KDM3A: variants seen among roughly 807,000 people sequenced by gnomAD.
KDM3A encodes the protein lysine demethylase 3A, also known as lysine-specific demethylase 3A.
KDM3A carries 60 observed loss-of-function variants against 158.0 expected under a neutral mutation model. That is an observed-to-expected ratio of 0.38 (90% CI 0.31 to 0.47). The LOEUF is 0.47. KDM3A is among the 20% of genes least tolerant of loss of function. KDM3A has a pLI of 0.99. For synonymous variants in KDM3A, 608 were observed against 549.3 expected, an observed-to-expected ratio of 1.11 and a Z score of -1.49; for missense variants, 1,319 against 1,574.3, an observed-to-expected ratio of 0.84 and a Z score of 2.74.
intron 23 of KDM3A, 117 bp downstream of exon 23, chr2:86,489,776 C>A: frequency 9.0e-7 from 1 of 1,107,764 alleles, no homozygotes; most frequent in Non-Finnish European, 1.3e-6. Flanking sequence ...AAAGTTAAAT[C>A]TGTACCTGTC....
intron 21 of KDM3A, 93 bp from the exon 22 acceptor site, chr2:86,489,220 GAGTCA>G (rs2104715419): frequency 7.6e-7 from 1 of 1,307,470 alleles, no homozygotes; most frequent in East Asian, 2.4e-5. Context: ...CTCAGCAGAA[GAGTCA>G]ATCAGGGACC....
rs892547650 is a variant in KDM3A, at chr2:86,452,956, A to G, written c.453+1743A>G. On this transcript the variant is annotated intron_variant, in intron 4 of 25. Coordinates refer to ENST00000312912, the MANE Select transcript of KDM3A (RefSeq NM_018433.6). ...TGATATTTTTCCTGACTTAAAAGGA[A>G]GACTGACTTGCTTGCAGGGATCAAA... Among the ~76,000 whole-genome samples, 17 of 152,354 alleles carry G rather than the reference A, an allele frequency of 1.1e-4. 1 individual carries two copies. Among genetic ancestry groups the G allele is most frequent in the Admixed American group, 9.8e-4 (15 of 15,294 alleles).
chr2:86,452,375 T>A (rs560937128), intron 4 of KDM3A, among the ~76,000 whole-genome samples: 1 of 152,148 alleles, frequency 6.6e-6, no homozygotes, highest in African/African-American at 2.4e-5. Context: ...AAATAAGATG[T>A]CTTTCAACAG....
chr2:86,476,964 G>A (rs1262555424), intron 12 of KDM3A, among the ~76,000 whole-genome samples: 1 of 152,184 alleles, frequency 6.6e-6, no homozygotes, highest in Non-Finnish European at 1.5e-5. Flanking sequence ...ACTGCCAGGA[G>A]TCTCCTAGTC....
intron 11 of KDM3A, among the ~76,000 whole-genome samples, chr2:86,472,163 CT>C (rs36028213): frequency 3.4e-5 from 5 of 148,658 alleles, no homozygotes; most frequent in Non-Finnish European, 6.0e-5. Flanking sequence ...ATGATTAGAG[CT>C]TTTTTTTTTA....
Position 86,481,983 on chromosome 2 carries a change from C to G in KDM3A, c.2566C>G (p.Leu856Val), listed in dbSNP as rs757488163. The G allele has an allele frequency of 1.9e-6, 3 of 1,614,060 alleles. No homozygotes were observed. Among genetic ancestry groups the G allele is most frequent in the Non-Finnish European group, 2.5e-6 (3 of 1,179,954 alleles). The change falls in exon 17 of 26, where the codon CTC becomes GTC. Residue 856 changes from leucine to valine, a missense_variant. Transcript: ENST00000312912. ...GAATGAAATCAAATGCCTTCCACCCCTCCCACCTTTAAGCAAATCCAGCAC... is the reference window on the plus strand; with the variant it reads ...GAATGAAATCAAATGCCTTCCACCCGTCCCACCTTTAAGCAAATCCAGCAC... ...LKNEIKCLPPLPPLSKSSTVL... is the reference protein window; with the variant it reads ...LKNEIKCLPPVPPLSKSSTVL...
At chr2:86,481,550 G>T (rs771191874) in intron 16 of KDM3A, among the ~76,000 whole-genome samples, 2 of 150,754 alleles carry the variant, frequency 1.3e-5, no homozygotes, top group Non-Finnish European at 3.0e-5. Flanking sequence ...AAGGATATCT[G>T]TTTTCACTCT....
rs755644782 is a variant in KDM3A, at chr2:86,478,669, C to G, written c.2250C>G (p.Asn750Lys). 1.2e-6 allele frequency: 2 copies of G among 1,613,618 alleles called. No homozygotes were observed. Among genetic ancestry groups the G allele is most frequent in the South Asian group, 1.1e-5 (1 of 91,078 alleles). The change falls in exon 15 of 26, where the codon AAC becomes AAG. Residue 750 changes from asparagine (N) to lysine (K), a missense_variant. Asn to Lys is a moderately conservative substitution (Grantham distance 94). This residue lies in a region of KDM3A where 368 missense variants were observed against 415.8 expected (regional missense o/e 0.89). Coordinates refer to ENST00000312912, the MANE Select transcript of KDM3A (RefSeq NM_018433.6). The part of the protein sequence containing the change: ...SVRAKWGIKA[N>K]CPCSNRQFKL... ...GAGCGAAATGGGGAATAAAGGCAAA[C>G]TGCCCTTGTTCAAACAGGCAATTCA...
chr2:86,488,809 CTG>C (rs1353075218), intron 21 of KDM3A: 1 of 155,980 alleles, frequency 6.4e-6, no homozygotes, highest in South Asian at 1.9e-4. Context: ...AGACTGAACA[CTG>C]TGGGGGACCT....
chr2:86,474,001 T>C (rs56300462), intron 11 of KDM3A, among the ~76,000 whole-genome samples: 34,618 of 152,070 alleles, frequency 0.23, 5,503 homozygotes, highest in African/African-American at 0.46. Context: ...TCAGTGACTA[T>C]CTAGGGGTTA....
rs1247284924 is a variant in KDM3A, at chr2:86,466,234, C to T, written c.1008-138C>T. ...TAACTCTAGCTCACAGAAATCTATC[C>T]TAAATTCTGTAACATATGAGAAATT... On this transcript the variant is annotated intron_variant, in intron 9 of 25. Transcript: ENST00000312912. The T allele has an allele frequency of 2.2e-5, 19 of 877,056 alleles. No individual in the cohort carries two copies. In the East Asian group the frequency reaches 4.5e-4, roughly 21 times the overall value. 54.3% of individuals were successfully genotyped at this position (877,056 alleles called of 1,614,324 possible).
At chr2:86,483,781 A>G (rs752968933) in intron 18 of KDM3A, 9 of 444,658 alleles carry the variant, frequency 2.0e-5, no homozygotes, top group Non-Finnish European at 3.6e-5. Context: ...ATGTAGTTTG[A>G]GAGCAAGGGT....
chr2:86,474,742 T>TGTGTAAAA, intron 11 of KDM3A, 34 bp from the exon 12 acceptor site: 2 of 1,083,116 alleles, frequency 1.8e-6, no homozygotes, highest in Non-Finnish European at 2.8e-6. Context: ...TGTGTGTGTG[T>TGTGTAAAA]ACATTACATC....
At chr2:86,481,258 TTTTTTGAGAC>T (rs1356107572) in intron 16 of KDM3A, among the ~76,000 whole-genome samples, 1 of 152,152 alleles carries the variant, frequency 6.6e-6, no homozygotes, top group Non-Finnish European at 1.5e-5. Flanking sequence ...TGTTTTGAGT[TTTTTTGAGAC>T]GGAATCTTGC....
intron 20 of KDM3A, among the ~76,000 whole-genome samples, chr2:86,485,301 A>T (rs370814047): frequency 2.0e-4 from 31 of 152,328 alleles, no homozygotes; most frequent in African/African-American, 7.5e-4. Context: ...ACTTTTTCTT[A>T]CAAGGCTGAT....
At chr2:86,466,288 A>C (rs986051064) in intron 9 of KDM3A, 84 bp from the exon 10 acceptor site, 17 of 1,366,424 alleles carry the variant, frequency 1.2e-5, no homozygotes, top group African/African-American at 2.9e-5. Flanking sequence ...TCGTTACCTT[A>C]GGGAACCAAA....
intron 4 of KDM3A, among the ~76,000 whole-genome samples, chr2:86,453,641 A>G (rs1672563126): frequency 6.6e-6 from 1 of 152,196 alleles, no homozygotes; most frequent in African/African-American, 2.4e-5. Context: ...GGAATTGGAG[A>G]ATATAATTAA....
At chr2:86,450,769 T>C (rs896270278) in intron 3 of KDM3A, among the ~76,000 whole-genome samples, 2 of 152,152 alleles carry the variant, frequency 1.3e-5, no homozygotes, top group African/African-American at 2.4e-5. Context: ...TATTTTTTTT[T>C]CCAGCTGTTT....
intron 2 of KDM3A, chr2:86,443,528 C>G (rs1256635221): frequency 6.6e-6 from 1 of 152,136 alleles, no homozygotes; most frequent in Admixed American, 6.5e-5. Context: ...TACAGCAGTT[C>G]TTGGGGGTAG....
Sources: gnomAD v4.1 joint callset for allele counts (sites outside exome capture counted in the v4.1 genomes callset) on GRCh38, gnomAD v4.1.1 for gene constraint, gnomAD v4.1.1 regional missense constraint, MANE v1.5 for transcripts, NCBI Gene and HGNC (gene_info 2026-07-23, HGNC 2026-07-21) for gene names.